DLG2: variants seen among roughly 807,000 people sequenced by gnomAD.
DLG2 encodes disks large homolog 2.
In DLG2, 45 loss-of-function variants were observed where a neutral mutation model predicts 132.5. That is an observed-to-expected ratio of 0.34 (90% CI 0.27 to 0.44). DLG2 has a LOEUF of 0.44. Among genes scored for constraint, DLG2 ranks in the 20% least tolerant of loss-of-function variants. The pLI is 1.00. For missense variants in DLG2, 1,045 were observed against 1,196.9 expected (o/e 0.87, Z 1.87); for synonymous variants, 424 against 419.6 (o/e 1.01, Z -0.13).
intron 4 of DLG2, among the ~76,000 whole-genome samples, chr11:85,177,564 G>A (rs2079384668): frequency 6.6e-6 from 1 of 151,878 alleles, no homozygotes; most frequent in African/African-American, 2.4e-5. Context: ...AAAGCTAATG[G>A]ATGCTGGGCT....
chr11:85,482,759 T>A (rs1011282453), intron 3 of DLG2, among the ~76,000 whole-genome samples: 1 of 151,976 alleles, frequency 6.6e-6, no homozygotes, highest in Non-Finnish European at 1.5e-5. Context: ...AACCCCAGGC[T>A]CCAGGCTGGT....
rs188333339 is a variant in DLG2 at position 84,578,685 on chromosome 11, G to T, written c.358-43954C>A. ...CTCATAGGCAGAAGGGACTTGCCTT[G>T]TCTCAGATGAGACTTTGGACCGTGG... On this transcript the variant is annotated intron_variant, in intron 6 of 27. Coordinates refer to ENST00000376104, the MANE Select transcript of DLG2 (RefSeq NM_001142699.3). Among the ~76,000 whole-genome samples, 337 of 152,196 alleles carry T rather than the reference G, an allele frequency of 2.2e-3. 2 individuals carry two copies. Among genetic ancestry groups the T allele is most frequent in the African/African-American group, 7.4e-3 (309 of 41,528 alleles).
At chr11:83,945,689 T>A (rs1834021047) in intron 14 of DLG2, among the ~76,000 whole-genome samples, 1 of 152,148 alleles carries the variant, frequency 6.6e-6, no homozygotes, top group Non-Finnish European at 1.5e-5. Flanking sequence ...ACAAATTCTG[T>A]GTTTGGTAAC....
At chr11:84,862,820 G>GA (rs1484288279) in intron 6 of DLG2, among the ~76,000 whole-genome samples, 1 of 136,008 alleles carries the variant, frequency 7.4e-6, no homozygotes, top group African/African-American at 2.7e-5. Context: ...GTCCTGTCGG[G>GA]GGGGGGGGGT....
At chr11:85,360,379 T>G (rs898121570) in intron 3 of DLG2, among the ~76,000 whole-genome samples, 1 of 152,210 alleles carries the variant, frequency 6.6e-6, no homozygotes, top group Non-Finnish European at 1.5e-5. Context: ...CACATAATTG[T>G]TCTTAGGATT....
intron 18 of DLG2, among the ~76,000 whole-genome samples, chr11:83,733,252 A>C (rs796950263): frequency 2.8e-4 from 42 of 150,776 alleles, no homozygotes; most frequent in African/African-American, 9.5e-4. Context: ...AAAAAAAAAA[A>C]AAAAAAAAAA....
intron 18 of DLG2, among the ~76,000 whole-genome samples, chr11:83,688,010 C>CAAAAG (rs1392975650): frequency 7.9e-6 from 1 of 126,252 alleles, no homozygotes; most frequent in Non-Finnish European, 1.7e-5. Context: ...GGCCCTGTCT[C>CAAAAG]AAAAGAAAAA....
chr11:84,380,016 A>G (rs1021053421), intron 7 of DLG2, among the ~76,000 whole-genome samples: 1 of 152,068 alleles, frequency 6.6e-6, no homozygotes, highest in African/African-American at 2.4e-5. Flanking sequence ...TCTATAAGAG[A>G]GTAGAGTTAC....
chr11:83,839,505 C>T (rs563445936), intron 16 of DLG2, among the ~76,000 whole-genome samples: 9 of 152,142 alleles, frequency 5.9e-5, no homozygotes, highest in South Asian at 2.1e-4. Context: ...CCTATTTTAC[C>T]GATGCTTAGG....
intron 19 of DLG2, among the ~76,000 whole-genome samples, chr11:83,574,697 A>G (rs1405305810): frequency 6.6e-6 from 1 of 152,228 alleles, no homozygotes; most frequent in East Asian, 1.9e-4. Flanking sequence ...CTAGAAGATG[A>G]GTAATCAAGA....
chr11:85,331,645 G>C (rs185030683), intron 3 of DLG2, among the ~76,000 whole-genome samples: 1 of 152,028 alleles, frequency 6.6e-6, no homozygotes, highest in African/African-American at 2.4e-5. Flanking sequence ...AGTAGGCCCC[G>C]GTGGCTATGA....
At chr11:84,120,118 T>G (rs1455551587) in intron 9 of DLG2, among the ~76,000 whole-genome samples, 1 of 152,176 alleles carries the variant, frequency 6.6e-6, no homozygotes, top group Non-Finnish European at 1.5e-5. Context: ...ATATTCTTTT[T>G]CACTCCTCAA....
At chr11:84,276,865 C>T (rs1246307201) in intron 7 of DLG2, among the ~76,000 whole-genome samples, 3 of 152,022 alleles carry the variant, frequency 2.0e-5, no homozygotes, top group Non-Finnish European at 2.9e-5. Context: ...ATTTGCATTC[C>T]CACCTAAAAT....
rs147281101 is a variant in DLG2 at position 84,601,087 on chromosome 11, T to C, written c.358-66356A>G. Among the ~76,000 whole-genome samples the C allele has an allele frequency of 4.1e-4, 62 of 152,330 alleles. No homozygotes were observed. In the East Asian group the frequency reaches 0.01, roughly 25 times the overall value. On this transcript the variant is annotated intron_variant, in intron 6 of 27. Transcript: ENST00000376104. ...GATCTAGCTATGCTGAAGCTATCTC[T>C]ACTCTGTTATTTTTATGTAGAAGAT... is the stretch of plus-strand genomic sequence containing the variant.
At chr11:84,034,612 G>A (rs535195660) in intron 11 of DLG2, among the ~76,000 whole-genome samples, 34 of 152,212 alleles carry the variant, frequency 2.2e-4, no homozygotes, top group Admixed American at 1.8e-3. Context: ...TAGAATGGAT[G>A]AGCAATGTGG....
intron 6 of DLG2, among the ~76,000 whole-genome samples, chr11:84,619,445 G>A (rs534307222): frequency 6.6e-6 from 1 of 151,626 alleles, no homozygotes; most frequent in South Asian, 2.1e-4. Context: ...AAACATTTAT[G>A]TTAAAGCAGG....
chr11:83,734,015 T>C (rs1353257180), intron 18 of DLG2, among the ~76,000 whole-genome samples: 1 of 140,076 alleles, frequency 7.1e-6, no homozygotes, highest in Non-Finnish European at 1.5e-5. Flanking sequence ...AGTGAGAACA[T>C]GTGGTAGTTG....
At chr11:84,213,140 T>C (rs1001316735) in intron 8 of DLG2, among the ~76,000 whole-genome samples, 1 of 152,164 alleles carries the variant, frequency 6.6e-6, no homozygotes, top group Non-Finnish European at 1.5e-5. Context: ...GAACTCCTAG[T>C]CCTTAAGAGT....
chr11:84,654,380 G>C (rs1270239341), intron 6 of DLG2, among the ~76,000 whole-genome samples: 2 of 152,134 alleles, frequency 1.3e-5, no homozygotes, highest in African/African-American at 4.8e-5. Flanking sequence ...TTTTCTTAAA[G>C]AATTGCAGTC....
Sources: gnomAD v4.1 joint callset for allele counts (sites outside exome capture counted in the v4.1 genomes callset) on GRCh38, gnomAD v4.1.1 for gene constraint, MANE v1.5 for transcripts, NCBI Gene and HGNC (gene_info 2026-07-23, HGNC 2026-07-21) for gene names.